ARHGAP6: variants seen among roughly 807,000 people sequenced by gnomAD.
ARHGAP6 encodes the protein rho GTPase-activating protein 6.
ARHGAP6 carries 16 observed loss-of-function variants against 55.7 expected under a neutral mutation model. That is an observed-to-expected ratio of 0.29 (90% CI 0.19 to 0.44). ARHGAP6 has a LOEUF of 0.44. ARHGAP6 is among the 20% of genes least tolerant of loss of function. The probability of loss-of-function intolerance (pLI) is 1.00; values close to 1 mark genes in which losing one functional copy is unlikely to be tolerated. For synonymous variants in ARHGAP6, 382 were observed against 360.9 expected (o/e 1.06, Z -0.66); for missense variants, 698 against 808.9 (o/e 0.86, Z 1.66).
At chrX:11,178,383 C>T in intron 7 of ARHGAP6, 135 bp from the exon 8 acceptor site, 1 of 766,640 alleles carries the variant, frequency 1.3e-6, no homozygotes, top group Non-Finnish European at 1.8e-6. Flanking sequence ...CACTCATTTG[C>T]CCATTGCTTT....
At chrX:11,317,459 A>G (rs1425553143) in intron 1 of ARHGAP6, among the ~76,000 whole-genome samples, 1 of 112,209 alleles carries the variant, frequency 8.9e-6, no homozygotes, top group Non-Finnish European at 1.9e-5. Context: ...TTCTGTTGCT[A>G]TCAGCCTAGA....
At chrX:11,195,827 A>T (rs2147359562) in intron 3 of ARHGAP6, among the ~76,000 whole-genome samples, 1 of 108,440 alleles carries the variant, frequency 9.2e-6, no homozygotes, top group Non-Finnish European at 1.9e-5. Context: ...GTTAAAAAAA[A>T]ATACTAGGCC....
At chrX:11,366,362 A>T (rs1164815626) in intron 1 of ARHGAP6, among the ~76,000 whole-genome samples, 3 of 112,532 alleles carry the variant, frequency 2.7e-5, no homozygotes, top group Non-Finnish European at 5.6e-5. Flanking sequence ...ATACATACAT[A>T]CATTCAGATT....
chrX:11,568,942 A>G (rs1469165773), intron 1 of ARHGAP6, among the ~76,000 whole-genome samples: 4 of 111,957 alleles, frequency 3.6e-5, no homozygotes, highest in Admixed American at 9.5e-5. Flanking sequence ...TGGCAAAAAC[A>G]TAATTGGTAA....
chrX:11,200,329 T>A (rs1309688835), intron 2 of ARHGAP6, among the ~76,000 whole-genome samples: 2 of 112,183 alleles, frequency 1.8e-5, no homozygotes, highest in African/African-American at 3.2e-5. Flanking sequence ...TTGCCCTCTT[T>A]TGTGGAAGTC....
At chrX:11,239,158 G>T (rs1333736297) in intron 2 of ARHGAP6, among the ~76,000 whole-genome samples, 1 of 111,227 alleles carries the variant, frequency 9.0e-6, no homozygotes, top group African/African-American at 3.3e-5. Flanking sequence ...TAGCATTGAG[G>T]TTATGTTATT....
chrX:11,663,592 A>G (rs1006134970), intron 1 of ARHGAP6, among the ~76,000 whole-genome samples: 1 of 112,040 alleles, frequency 8.9e-6, no homozygotes, highest in South Asian at 3.7e-4. Flanking sequence ...TAAACTACTA[A>G]TTGTTCTAAA....
At chrX:11,569,905 A>G (rs985713477) in intron 1 of ARHGAP6, among the ~76,000 whole-genome samples, 3 of 112,204 alleles carry the variant, frequency 2.7e-5, no homozygotes, top group Non-Finnish European at 5.6e-5. Context: ...ATGTTGGCTG[A>G]GCAGAAGCCT....
intron 1 of ARHGAP6, among the ~76,000 whole-genome samples, chrX:11,387,235 C>T (rs1375742752): frequency 9.0e-6 from 1 of 111,622 alleles, no homozygotes; most frequent in Non-Finnish European, 1.9e-5. Context: ...TCTAGAATTA[C>T]CTGGGGAGCT....
At chrX:11,340,768 C>T (rs5935010) in intron 1 of ARHGAP6, among the ~76,000 whole-genome samples, 2,018 of 110,663 alleles carry the variant, frequency 0.018, 29 homozygotes, top group Middle Eastern at 0.061. Flanking sequence ...TCTGTTGTCA[C>T]AGAAATATTT....
chrX:11,606,507 G>A (rs749196067), intron 1 of ARHGAP6, among the ~76,000 whole-genome samples: 2 of 111,517 alleles, frequency 1.8e-5, no homozygotes, highest in African/African-American at 6.5e-5. Flanking sequence ...CAGTCCTTGT[G>A]GCAAACAGGA....
chrX:11,485,525 A>T (rs1039166585), intron 1 of ARHGAP6, among the ~76,000 whole-genome samples: 2 of 112,719 alleles, frequency 1.8e-5, no homozygotes, highest in Non-Finnish European at 3.8e-5. Flanking sequence ...CATTATTTTT[A>T]AAGTTCTCAT....
intron 1 of ARHGAP6, among the ~76,000 whole-genome samples, chrX:11,536,995 A>G (rs1367957635): frequency 8.9e-6 from 1 of 112,447 alleles, no homozygotes; most frequent in East Asian, 2.8e-4. Flanking sequence ...AAATATTTCA[A>G]GCATAGATTC....
At chrX:11,413,190 A>G (rs1187313946) in intron 1 of ARHGAP6, among the ~76,000 whole-genome samples, 1 of 112,455 alleles carries the variant, frequency 8.9e-6, no homozygotes, top group Admixed American at 9.4e-5. Flanking sequence ...TGCACAGTCC[A>G]GTGAGACAAA....
At position 11,664,338 on chromosome X, in the gene ARHGAP6, T is replaced by C. The variant is rs770537973; in HGVS notation, c.491A>G (p.Asn164Ser). The change falls in exon 1 of 13, where the codon AAT (asparagine) becomes AGT (serine). Residue 164 changes from asparagine (N) to serine (S), a missense_variant. Coordinates refer to ENST00000337414, the MANE Select transcript of ARHGAP6 (RefSeq NM_013427.3). ...SILCSSGGGP[N>S]GIFASPRRWL... Reference sequence around the variant, plus strand: ...CCTCCTAGGAGAAGCGAAGATGCCATTGGGGCCTCCCCCGGATGAACAGAG... The same window carrying C: ...CCTCCTAGGAGAAGCGAAGATGCCACTGGGGCCTCCCCCGGATGAACAGAG... The C allele has an allele frequency of 1.7e-5, 20 of 1,210,919 alleles. No homozygotes were observed. In the Middle Eastern group the frequency reaches 9.1e-4, roughly 55 times the overall value.
intron 1 of ARHGAP6, among the ~76,000 whole-genome samples, chrX:11,277,103 A>G (rs1169163693): frequency 9.0e-6 from 1 of 111,395 alleles, no homozygotes; most frequent in Non-Finnish European, 1.9e-5. Context: ...CATGTTTTTG[A>G]CATTTAATAT....
At chrX:11,340,810 G>A (rs1189544282) in intron 1 of ARHGAP6, among the ~76,000 whole-genome samples, 1 of 111,420 alleles carries the variant, frequency 9.0e-6, no homozygotes, top group East Asian at 2.8e-4. Flanking sequence ...CCACAATTTG[G>A]AATTACTGAT....
chrX:11,529,798 T>C (rs58129429), intron 1 of ARHGAP6, among the ~76,000 whole-genome samples: 9,591 of 111,822 alleles, frequency 0.086, 462 homozygotes, highest in East Asian at 0.19. Flanking sequence ...TTTCTAATTA[T>C]GTGGTATTTA....
intron 1 of ARHGAP6, among the ~76,000 whole-genome samples, chrX:11,333,814 T>C (rs757533734): frequency 6.2e-5 from 7 of 112,165 alleles, no homozygotes; most frequent in African/African-American, 2.3e-4. Flanking sequence ...ATGACAGAAC[T>C]AGGTCTTCTC....
Sources: gnomAD v4.1 joint callset for allele counts (sites outside exome capture counted in the v4.1 genomes callset) on GRCh38, gnomAD v4.1.1 for gene constraint, MANE v1.5 for transcripts, NCBI Gene and HGNC (gene_info 2026-07-23, HGNC 2026-07-21) for gene names.